Variants in CCDC159 observed in about 807,000 individuals in gnomAD.
CCDC159 encodes coiled-coil domain containing 159.
Under a neutral mutation model 50.9 loss-of-function variants are expected in CCDC159, and 40 were observed. The ratio of observed to expected loss-of-function variants is 0.79; its 90% CI spans 0.61 to 1.02. The LOEUF is 1.02. CCDC159 is among the 50% of genes least tolerant of loss of function. CCDC159 has a pLI of 0.00. For synonymous variants in CCDC159, 146 were observed against 138.9 expected (o/e 1.05, Z -0.36); for missense variants, 356 against 371.5 (o/e 0.96, Z 0.34).
rs775535549 is a variant in CCDC159 at position 11,354,636 on chromosome 19, G to A, written c.829G>A (p.Asp277Asn). The change falls in exon 10 of 11, where the codon GAC becomes AAC. Residue 277 changes from aspartate (D) to asparagine (N), a missense_variant. By Grantham distance (23) the Asp-to-Asn change is conservative. Transcript: ENST00000458408. ...PPLPSWDSDSDCDQDLSQPPF... is the reference protein window; with the variant it reads ...PPLPSWDSDSNCDQDLSQPPF... ...ACTCCCCTCCTGGGACTCTGACTCC[G>A]ACTGTGACCAGGACCTCTCCCAGCC... is the stretch of plus-strand genomic sequence containing the variant. The A allele has an allele frequency of 9.6e-5, 154 of 1,605,360 alleles. 1 individual carries two copies. Among genetic ancestry groups the A allele is most frequent in the Admixed American group, 1.5e-4 (9 of 58,556 alleles).
intron 5 of CCDC159, 105 bp from the exon 6 acceptor site, chr19:11,351,774 AGGGGAGGGGAAAAGGGCAGGGAAGTGT>A: frequency 3.4e-6 from 2 of 592,540 alleles, no homozygotes; most frequent in Non-Finnish European, 5.6e-6. Flanking sequence ...GGATTGTAGA[AGGGGAGGGGAAAAGGGCAGGGAAGTGT>A]GGGGAGGGGA....
Position 11,350,862 on chromosome 19 carries a change from T to C in CCDC159, c.281T>C (p.Met94Thr), listed in dbSNP as rs1393896923. ...QGEKEEHKWG[M>T]EQGRQELYGA... ...GAGAAGGAGGAGCACAAGTGGGGCATGGAGCAGGGCCGGCAGGAGCTGTAT... is the reference window on the plus strand; with the variant it reads ...GAGAAGGAGGAGCACAAGTGGGGCACGGAGCAGGGCCGGCAGGAGCTGTAT... Residue 94 changes from methionine to threonine, a missense_variant, in exon 5 of 11, where the codon ATG becomes ACG. Transcript: ENST00000458408. The C allele has an allele frequency of 6.4e-7, 1 of 1,551,658 alleles. No individual in the cohort carries two copies.
intron 1 of CCDC159, chr19:11,349,081 A>C: frequency 1.5e-6 from 2 of 1,347,048 alleles, no homozygotes; most frequent in Non-Finnish European, 2.0e-6. Flanking sequence ...ACTGCAGGCC[A>C]GGGTGGGGCT....
chr19:11,354,906 C>G lies in CCDC159; in HGVS notation c.*29C>G. ...GCCGGGACTGCTCTCCCTGAAGACC[C>G]CTCCAGAGAGAAAATAAACTAGCCC... On this transcript the variant is annotated 3_prime_UTR_variant, in exon 11 of 11. Coordinates refer to ENST00000458408, the MANE Select transcript of CCDC159 (RefSeq NM_001080503.3). The G allele has an allele frequency of 6.2e-7, 1 of 1,612,484 alleles. No homozygotes were observed. Among genetic ancestry groups the G allele is most frequent in the East Asian group, 2.2e-5 (1 of 44,860 alleles).
chr19:11,353,716 A>C, intron 8 of CCDC159, 76 bp from the exon 9 acceptor site: 3 of 1,540,254 alleles, frequency 1.9e-6, no homozygotes, highest in Non-Finnish European at 2.6e-6. Flanking sequence ...ACGGCCCCCA[A>C]CCTTAGCTGT....
intron 7 of CCDC159, among the ~76,000 whole-genome samples, chr19:11,352,665 G>C (rs1404515753): frequency 6.6e-6 from 1 of 151,094 alleles, no homozygotes; most frequent in Non-Finnish European, 1.5e-5. Context: ...GGGTGCTGTG[G>C]CATGCCTGTT....
In CCDC159 at chr19:11,354,714, T is replaced by G; in HGVS notation, c.889+18T>G. 6.2e-7 allele frequency: 1 copy of G among 1,602,798 alleles called. No homozygotes were observed. Among genetic ancestry groups the G allele is most frequent in the Non-Finnish European group, 8.5e-7 (1 of 1,174,758 alleles). On this transcript the variant is annotated intron_variant, in intron 10 of 10. Coordinates refer to ENST00000458408, the MANE Select transcript of CCDC159 (RefSeq NM_001080503.3). ...CCCACCCGGTGCAGATCCTCCCCAG[T>G]CCCCCCCTCCACCCATTTCCCTCCT...
chr19:11,349,953 T>A lies in CCDC159; in HGVS notation c.71T>A (p.Met24Lys). ...SSKVKAKTIV[M>K]IPDSQKLLRC... ...CTGCCCACAGCCAAGACCATTGTGA[T>A]GATTCCCGACTCCCAGAAGCTCCTG... Residue 24 changes from methionine to lysine, a missense_variant, in exon 3 of 11, where the codon ATG (methionine) becomes AAG (lysine). Met to Lys is a moderately conservative substitution (Grantham distance 95, BLOSUM62 -1). Coordinates refer to ENST00000458408, the MANE Select transcript of CCDC159 (RefSeq NM_001080503.3). The A allele has an allele frequency of 6.2e-7, 1 of 1,613,830 alleles. No individual in the cohort carries two copies. Among genetic ancestry groups the A allele is most frequent in the South Asian group, 1.1e-5 (1 of 91,066 alleles).
chr19:11,354,761 G>A (rs748766751), intron 10 of CCDC159, 65 bp downstream of exon 10: 1 of 1,609,040 alleles, frequency 6.2e-7, no homozygotes, highest in Non-Finnish European at 8.5e-7. Flanking sequence ...GACTCCCACA[G>A]TCTAGACCCT....
chr19:11,351,078 A>T, intron 5 of CCDC159, 75 bp downstream of exon 5: 445 of 1,017,818 alleles, frequency 4.4e-4, no homozygotes, highest in Non-Finnish European at 5.2e-4. Context: ...TGGAGGCAGG[A>T]TGGGGGAAAT....
chr19:11,350,734 T>G (rs1599383627), intron 4 of CCDC159, 74 bp from the exon 5 acceptor site: 2 of 1,407,702 alleles, frequency 1.4e-6, no homozygotes, highest in East Asian at 2.6e-5. Context: ...AGAGTCTGGG[T>G]TCTGGGTCAA....
intron 1 of CCDC159, chr19:11,348,004 C>G (rs1967355300): frequency 4.9e-6 from 2 of 409,232 alleles, no homozygotes; most frequent in African/African-American, 2.1e-5. Flanking sequence ...GTCGAAACTC[C>G]TGGCTTGGCC....
chr19:11,354,245 G>A (rs989641871), intron 9 of CCDC159, among the ~76,000 whole-genome samples: 1 of 152,126 alleles, frequency 6.6e-6, no homozygotes, highest in African/African-American at 2.4e-5. Context: ...GGGTGATGGT[G>A]CACCTGTGGC....
intron 1 of CCDC159, among the ~76,000 whole-genome samples, chr19:11,347,039 C>G (rs1967277095): frequency 1.3e-5 from 2 of 152,116 alleles, no homozygotes; most frequent in Non-Finnish European, 2.9e-5. Flanking sequence ...CAGTATTACA[C>G]AGCTGGAAGG....
At position 11,353,501 on chromosome 19, in the gene CCDC159, G is replaced by C. The variant is rs780741374; in HGVS notation, c.618G>C (p.Glu206Asp). The C allele has an allele frequency of 5.6e-6, 9 of 1,611,222 alleles. No homozygotes were observed. The Admixed American group carries it at 1.5e-4, about 27-fold the overall frequency. Reference protein sequence around the residue: ...QQGHETAACPETEEIPQGASG... With the variant: ...QQGHETAACPDTEEIPQGASG... The stretch of plus-strand genomic sequence containing the variant: ...GTCATGAGACAGCCGCCTGTCCGGA[G>C]ACTGAAGAGATACCGCAGGGAGCCA... The change falls in exon 8 of 11, where the codon GAG becomes GAC. Residue 206 changes from glutamate (E) to aspartate (D), a missense_variant. Transcript: ENST00000458408.
Position 11,351,986 on chromosome 19 carries a change from A to G in CCDC159, c.490+13A>G. 1.9e-6 allele frequency: 3 copies of G among 1,610,778 alleles called. No individual in the cohort carries two copies. Among genetic ancestry groups the G allele is most frequent in the Non-Finnish European group, 2.5e-6 (3 of 1,178,488 alleles). On this transcript the variant is annotated intron_variant, in intron 6 of 10. Coordinates refer to ENST00000458408, the MANE Select transcript of CCDC159 (RefSeq NM_001080503.3). The stretch of plus-strand genomic sequence containing the variant: ...TATCAGAAGCTCCGTGAGTTCCTGG[A>G]GCCCACAGCCGGTGTGTGGGGAGGG...
intron 4 of CCDC159, among the ~76,000 whole-genome samples, chr19:11,350,513 C>T (rs1967511625): frequency 1.3e-5 from 2 of 152,082 alleles, no homozygotes; most frequent in African/African-American, 4.8e-5. Flanking sequence ...ATTAGCCAGG[C>T]GTGGTGGTAT....
At chr19:11,349,551 C>G in intron 1 of CCDC159, 103 bp from the exon 2 acceptor site, 1 of 1,480,678 alleles carries the variant, frequency 6.8e-7, no homozygotes, top group Admixed American at 1.9e-5. Context: ...ACACCTAGAA[C>G]TGAGGAGATC....
chr19:11,350,888 G>A lies in CCDC159; in HGVS notation c.307G>A (p.Gly103Arg). ...GGAGCAGGGCCGGCAGGAGCTGTAT[G>A]GGGCCCTGACCCAAGGCCTTCAGGG... Reference protein sequence around the residue: ...GMEQGRQELYGALTQGLQGLE... With the variant: ...GMEQGRQELYRALTQGLQGLE... The change falls in exon 5 of 11, where the codon GGG becomes AGG. Residue 103 changes from glycine to arginine, a missense_variant. Transcript: ENST00000458408. 6.4e-7 allele frequency: 1 copy of A among 1,552,540 alleles called. No homozygotes were observed. The highest frequency in any genetic ancestry group is 1.4e-5 in the African/African-American group (1 of 73,270).
Sources: gnomAD v4.1 joint callset for allele counts (sites outside exome capture counted in the v4.1 genomes callset) on GRCh38, gnomAD v4.1.1 for gene constraint, MANE v1.5 for transcripts, NCBI Gene and HGNC (gene_info 2026-07-23, HGNC 2026-07-21) for gene names.